Variants in CHAC1 observed in about 807,000 individuals in gnomAD.
CHAC1 encodes glutathione-specific gamma-glutamylcyclotransferase 1.
A neutral mutation model predicts 22.1 loss-of-function variants in CHAC1; 22 were observed. The observed-to-expected ratio is 1.00, with a 90% CI of 0.71 to 1.42. The LOEUF is 1.42. CHAC1 is among the 40% of genes most tolerant of loss of function. CHAC1 has a pLI of 0.00. For missense variants in CHAC1, 272 were observed against 299.2 expected (o/e 0.91, Z 0.67); for synonymous variants, 145 against 128.7 (o/e 1.13, Z -0.86).
chr15:40,953,662 G>T lies in CHAC1; in HGVS notation c.79G>T (p.Asp27Tyr). ...GCCGTCCGCTCAGTTCCCCCGAAAC[G>T]ACGGCGACCCTCAAGCGCTGTGGAT... ...PTPSAQFPRNDGDPQALWIFG... is the reference protein window; with the variant it reads ...PTPSAQFPRNYGDPQALWIFG... The change falls in exon 1 of 3, where the codon GAC becomes TAC. Residue 27 changes from aspartate (D) to tyrosine (Y), a missense_variant. Asp to Tyr is a radical substitution (Grantham distance 160). Transcript: ENST00000617768. 1 of 1,609,122 alleles carries T rather than the reference G, an allele frequency of 6.2e-7. No homozygotes were observed.
At position 40,955,748 on chromosome 15, in the gene CHAC1, A is replaced by T. The variant is rs1236691497; in HGVS notation, c.643A>T (p.Thr215Ser). ...VGTMLPCFCPTEQALALV is the reference protein window; with the variant it reads ...VGTMLPCFCPSEQALALV ...CACCATGTTGCCCTGCTTCTGCCCC[A>T]CCGAGCAGGCTCTGGCGCTGGTGTG... The change falls in exon 3 of 3, where the codon ACC (threonine) becomes TCC (serine). Residue 215 changes from threonine (T) to serine (S), a missense_variant. Transcript: ENST00000617768. The T allele has an allele frequency of 6.3e-7, 1 of 1,598,992 alleles. No individual in the cohort carries two copies. Among genetic ancestry groups the T allele is most frequent in the East Asian group, 2.2e-5 (1 of 44,770 alleles).
In CHAC1 at chr15:40,954,258, C is replaced by G. The variant is rs1893178782; in HGVS notation, c.262C>G (p.His88Asp). ...CCGTGTGGTGACGCTCCTTGAAGAT[C>G]ATGAGGTAAGTGCCCGAATCATGAA... ...PGRVVTLLED[H>D]EGCTWGVAYQ... The change falls in exon 2 of 3, where the codon CAT becomes GAT. Residue 88 changes from histidine to aspartate, a missense_variant. Physicochemically the swap from His to Asp is moderately conservative, Grantham distance 81. Transcript: ENST00000617768. 1 of 1,613,978 alleles carries G rather than the reference C, an allele frequency of 6.2e-7. No individual in the cohort carries two copies. Among genetic ancestry groups the G allele is most frequent in the African/African-American group, 1.3e-5 (1 of 74,932 alleles).
At chr15:40,954,935 C>T (rs1413039631) in intron 2 of CHAC1, among the ~76,000 whole-genome samples, 10 of 134,796 alleles carry the variant, frequency 7.4e-5, no homozygotes, top group African/African-American at 2.3e-4. Context: ...TTTTTTAAGA[C>T]GGAGTCTTAC....
chr15:40,953,483 C>A lies in CHAC1; in HGVS notation c.-101C>A, dbSNP rs760765595. 2 of 1,517,470 alleles carry A rather than the reference C, an allele frequency of 1.3e-6. No homozygotes were observed. Among genetic ancestry groups the A allele is most frequent in the Non-Finnish European group, 1.8e-6 (2 of 1,135,540 alleles). The allele number at this position is 1,517,470 out of a possible 1,614,324, so 94.0% of individuals were successfully genotyped here. On this transcript the variant is annotated 5_prime_UTR_variant, in exon 1 of 3. Transcript: ENST00000617768. ...ATGGGGGGCGCTCAGCTGGAGCTAC[C>A]GAGCGGTGCCAGGCCAGGTGTGTGC...
Sources: allele counts gnomAD v4.1 joint callset (sites outside exome capture counted in the v4.1 genomes callset), GRCh38; gene constraint gnomAD v4.1.1; transcripts MANE v1.5; gene names NCBI Gene and HGNC (gene_info 2026-07-23, HGNC 2026-07-21).